The following PLEKHG2 variants were observed in gnomAD, a reference collection of about 807,000 sequenced individuals.
PLEKHG2 encodes pleckstrin homology and RhoGEF domain containing G2.
PLEKHG2 carries 71 observed loss-of-function variants against 104.4 expected under a neutral mutation model. The ratio of observed to expected loss-of-function variants is 0.68; its 90% CI spans 0.56 to 0.83. PLEKHG2 has a LOEUF of 0.83. PLEKHG2 is among the 40% of genes least tolerant of loss of function. PLEKHG2 has a pLI of 0.00. For missense variants in PLEKHG2, 1,730 were observed against 1,809.4 expected, an observed-to-expected ratio of 0.96 and a Z score of 0.80; for synonymous variants, 728 against 737.0, an observed-to-expected ratio of 0.99 and a Z score of 0.20.
At chr19:39,414,588 C>A (rs535722622) in intron 2 of PLEKHG2, among the ~76,000 whole-genome samples, 1 of 152,290 alleles carries the variant, frequency 6.6e-6, no homozygotes, top group East Asian at 1.9e-4. Context: ...TCACTGGCAT[C>A]CAGAGTGTAA....
rs767068141 is a variant in PLEKHG2, at chr19:39,425,071, C to T, written c.3938C>T (p.Thr1313Met). The T allele has an allele frequency of 1.1e-5, 17 of 1,595,742 alleles. No homozygotes were observed. Among genetic ancestry groups the T allele is most frequent in the Non-Finnish European group, 1.2e-5 (14 of 1,171,400 alleles). Residue 1313 changes from threonine (T) to methionine (M), a missense_variant, in exon 19 of 19, where the codon ACG becomes ATG. Coordinates refer to ENST00000425673, the MANE Select transcript of PLEKHG2 (RefSeq NM_022835.3). ...CGGGGCTCCTGGTCCTCTGCTCCCA[C>T]GTCACGGGCATCTTCGCCGCCCCCC... ...ASRGSWSSAP[T>M]SRASSPPPQP... is the part of the protein sequence containing the mutation.
In PLEKHG2 at chr19:39,416,220, C is replaced by T. The variant is rs2078600281; in HGVS notation, c.480-128C>T. ...GACCCTTCCTCCGGACATGACATCC[C>T]CTTAGGAGATGCTGGCAGTCAGCAA... On this transcript the variant is annotated intron_variant, in intron 4 of 18. Transcript: ENST00000425673. This position sits in a 1 kb window ranked among gnomAD's most constrained non-coding sequence, Gnocchi z 4.5. 5 of 888,666 alleles carry T rather than the reference C, an allele frequency of 5.6e-6. No individual in the cohort carries two copies. Among genetic ancestry groups the T allele is most frequent in the South Asian group, 1.5e-5 (1 of 67,964 alleles). The allele number at this position is 888,666 out of a possible 1,614,324, so 55.0% of individuals were successfully genotyped here. A position where few individuals can be genotyped will look rare whatever the true frequency, so the allele number is the denominator to read the frequency against.
At position 39,416,220 on chromosome 19, in the gene PLEKHG2, C is replaced by G; in HGVS notation, c.480-128C>G. 1.1e-6 allele frequency: 1 copy of G among 888,666 alleles called. No homozygotes were observed. The highest frequency in any genetic ancestry group is 1.8e-6 in the Non-Finnish European group (1 of 544,366). 55.0% of individuals were successfully genotyped at this position (888,666 alleles called of 1,614,324 possible). A position where few individuals can be genotyped will look rare whatever the true frequency, so the allele number is the denominator to read the frequency against. ...GACCCTTCCTCCGGACATGACATCC[C>G]CTTAGGAGATGCTGGCAGTCAGCAA... is the stretch of plus-strand genomic sequence containing the variant. On this transcript the variant is annotated intron_variant, in intron 4 of 18. Transcript: ENST00000425673. The surrounding 1 kb of genome is among the most constrained non-coding windows in gnomAD (Gnocchi z 4.5).
Position 39,416,464 on chromosome 19 carries a change from G to T in PLEKHG2, c.546+50G>T, listed in dbSNP as rs747689518. ...CGGTCCTGGATGGGGCCTTTGTAGA[G>T]GGGGGAGAGCAGGCTTGGGCTAGGC... On this transcript the variant is annotated intron_variant, in intron 5 of 18. Coordinates refer to ENST00000425673, the MANE Select transcript of PLEKHG2 (RefSeq NM_022835.3). The surrounding 1 kb of genome is among the most constrained non-coding windows in gnomAD (Gnocchi z 4.5). 6 of 1,611,490 alleles carry T rather than the reference G, an allele frequency of 3.7e-6. No homozygotes were observed. In the East Asian group the frequency reaches 8.9e-5, roughly 24 times the overall value.
At position 39,424,536 on chromosome 19, in the gene PLEKHG2, C is replaced by T. The variant is rs373244116; in HGVS notation, c.3403C>T (p.Leu1135Phe). The change falls in exon 19 of 19, where the codon CTC (leucine) becomes TTC (phenylalanine). Residue 1135 changes from leucine to phenylalanine, a missense_variant. Coordinates refer to ENST00000425673, the MANE Select transcript of PLEKHG2 (RefSeq NM_022835.3). ...CGCCCCACTGTCTTTGTCCCAGGAGCTCCCAGACACTCAGGTTCCAGCTAC... is the reference window on the plus strand; with the variant it reads ...CGCCCCACTGTCTTTGTCCCAGGAGTTCCCAGACACTCAGGTTCCAGCTAC... ...ANAPLSLSQE[L>F]PDTQVPATTP... The T allele has an allele frequency of 2.3e-5, 37 of 1,614,130 alleles. 1 individual carries two copies. The Admixed American group carries it at 5.0e-4, about 22-fold the overall frequency.
intron 7 of PLEKHG2, 81 bp from the exon 8 acceptor site, chr19:39,417,474 C>T: frequency 6.6e-7 from 1 of 1,525,758 alleles, no homozygotes. Context: ...CTTTATATTT[C>T]TCCATCTCCT....
chr19:39,421,128 C>T lies in PLEKHG2; in HGVS notation c.1486+15C>T, dbSNP rs202121212. 55 of 1,437,946 alleles carry T rather than the reference C, an allele frequency of 3.8e-5. No individual in the cohort carries two copies. The highest frequency in any genetic ancestry group is 2.0e-4 in the Middle Eastern group (1 of 5,098). 89.1% of individuals were successfully genotyped at this position (1,437,946 alleles called of 1,614,324 possible). ...CCCACAGAACGGTCAGTGACTGCCC[C>T]GGTTCAGCCTGGTCCATCCCTGTCT... On this transcript the variant is annotated intron_variant, in intron 15 of 18. Transcript: ENST00000425673.
intron 11 of PLEKHG2, among the ~76,000 whole-genome samples, chr19:39,419,312 A>C (rs2078659873): frequency 6.6e-6 from 1 of 152,242 alleles, no homozygotes; most frequent in African/African-American, 2.4e-5. Flanking sequence ...AGAAGCACCC[A>C]TCAGCTGGCT....
At position 39,415,219 on chromosome 19, in the gene PLEKHG2, A is replaced by T; in HGVS notation, c.337A>T (p.Thr113Ser). 3 of 1,583,688 alleles carry T rather than the reference A, an allele frequency of 1.9e-6. No individual in the cohort carries two copies. The highest frequency in any genetic ancestry group is 2.6e-6 in the Non-Finnish European group (3 of 1,164,242). Reference sequence around the variant, plus strand: ...GCGTGTGGCCCGGGAGATCGTGGAGACAGAACGGGCCTATGTCAGGGACCT... The same window carrying T: ...GCGTGTGGCCCGGGAGATCGTGGAGTCAGAACGGGCCTATGTCAGGGACCT... ...LERVAREIVE[T>S]ERAYVRDLRS... The change falls in exon 3 of 19, where the codon ACA becomes TCA. Residue 113 changes from threonine (T) to serine (S), a missense_variant. Transcript: ENST00000425673. This position sits in a 1 kb window ranked among gnomAD's most constrained non-coding sequence, Gnocchi z 4.6.
Position 39,415,442 on chromosome 19 carries a change from CAG to C in PLEKHG2, c.479+4_479+5del, listed in dbSNP as rs772489787. The C allele has an allele frequency of 1.9e-6, 3 of 1,613,840 alleles. No homozygotes were observed. The highest frequency in any genetic ancestry group is 1.7e-5 in the Admixed American group (1 of 59,994). ...GAGGACATCTACGAGTTCAGCAGGT[CAG>C]GGGCAGGGGGGACAGGCAGGGGGCA... On this transcript the variant is annotated splice_donor_5th_base_variant and intron_variant, in intron 4 of 18. Coordinates refer to ENST00000425673, the MANE Select transcript of PLEKHG2 (RefSeq NM_022835.3). This position sits in a 1 kb window ranked among gnomAD's most constrained non-coding sequence, Gnocchi z 4.6.
chr19:39,415,304 C>A lies in PLEKHG2; in HGVS notation c.379-35C>A. ...AGAGGGCAGTGGGTACCCAGGCCAG[C>A]CCCTTGGCCCCCATAACCCCAGTCA... On this transcript the variant is annotated intron_variant, in intron 3 of 18. Transcript: ENST00000425673. The surrounding 1 kb of genome is among the most constrained non-coding windows in gnomAD (Gnocchi z 4.6). 6.2e-7 allele frequency: 1 copy of A among 1,609,312 alleles called. No individual in the cohort carries two copies. Among genetic ancestry groups the A allele is most frequent in the Non-Finnish European group, 8.5e-7 (1 of 1,177,540 alleles).
rs2078710806 is a variant in PLEKHG2 at position 39,422,272 on chromosome 19, G to A, written c.1661G>A (p.Gly554Asp). 6.8e-6 allele frequency: 11 copies of A among 1,612,032 alleles called. No homozygotes were observed. The highest frequency in any genetic ancestry group is 9.3e-6 in the Non-Finnish European group (11 of 1,179,056). Residue 554 changes from glycine to aspartate, a missense_variant, in exon 17 of 19, where the codon GGC becomes GAC. By Grantham distance (94) the Gly-to-Asp change is moderately conservative. Coordinates refer to ENST00000425673, the MANE Select transcript of PLEKHG2 (RefSeq NM_022835.3). ...EEILELLNQR[G>D]LRDPGPSTHD... ...ATCCTGGAACTGCTGAATCAGCGAG[G>A]CCTTCGAGATCCAGGGGTGAGCTGG...
chr19:39,417,842 A>G (rs1253390633), intron 8 of PLEKHG2, 63 bp from the exon 9 acceptor site: 2 of 1,505,138 alleles, frequency 1.3e-6, no homozygotes, highest in Non-Finnish European at 1.8e-6. Flanking sequence ...TTTGGTGTGT[A>G]TGTGTGTGCC....
rs2078695001 is a variant in PLEKHG2 at position 39,421,206 on chromosome 19, CA to C, written c.1487-76del. 5 of 1,612,392 alleles carry C rather than the reference CA, an allele frequency of 3.1e-6. No homozygotes were observed. The African/African-American group carries it at 6.7e-5, about 22-fold the overall frequency. ...TTGGGGAGGGGTGGTTGCTTCAGCT[CA>C]TCAGTTATGGGGGAATCACTCTTTT... On this transcript the variant is annotated intron_variant, in intron 15 of 18. Coordinates refer to ENST00000425673, the MANE Select transcript of PLEKHG2 (RefSeq NM_022835.3).
In PLEKHG2 at chr19:39,416,256, C is replaced by G. The variant is rs1397565482; in HGVS notation, c.480-92C>G. On this transcript the variant is annotated intron_variant, in intron 4 of 18. Transcript: ENST00000425673. The surrounding 1 kb of genome is among the most constrained non-coding windows in gnomAD (Gnocchi z 4.5). ...GCTGGCAGTCAGCAAGCCCCCAGCC[C>G]CAGCAGACCATTGGGGCCTCAGCCT... 7.7e-7 allele frequency: 1 copy of G among 1,303,866 alleles called. No individual in the cohort carries two copies. Among genetic ancestry groups the G allele is most frequent in the Non-Finnish European group, 1.1e-6 (1 of 910,010 alleles). The allele number at this position is 1,303,866 out of a possible 1,614,324, so 80.8% of individuals were successfully genotyped here. A position where few individuals can be genotyped will look rare whatever the true frequency, so the allele number is the denominator to read the frequency against.
At chr19:39,417,036 G>T in intron 7 of PLEKHG2, 36 bp downstream of exon 7, 1 of 1,569,952 alleles carries the variant, frequency 6.4e-7, no homozygotes, top group Non-Finnish European at 8.7e-7. Flanking sequence ...CTGGGGAGGG[G>T]GAGGTCCTGT....
chr19:39,421,240 C>T lies in PLEKHG2; in HGVS notation c.1487-43C>T, dbSNP rs773086222. ...TGGGGGAATCACTCTTTTTCCCTTA[C>T]ATCTCACTAATGCTTCTCTCTCTCT... On this transcript the variant is annotated intron_variant, in intron 15 of 18. Transcript: ENST00000425673. 9 of 1,613,502 alleles carry T rather than the reference C, an allele frequency of 5.6e-6. No individual in the cohort carries two copies. In the South Asian group the frequency reaches 6.6e-5, roughly 12 times the overall value.
Position 39,423,540 on chromosome 19 carries a change from A to C in PLEKHG2, c.2486A>C (p.Gln829Pro). ...GCCCGGCTTTACAGCGAGCGGATCCAGCAGATGCAGCGGGCGGAGACTCGG... is the reference window on the plus strand; with the variant it reads ...GCCCGGCTTTACAGCGAGCGGATCCCGCAGATGCAGCGGGCGGAGACTCGG... The part of the protein sequence containing the change: ...ELARLYSERI[Q>P]QMQRAETRAS... The change falls in exon 18 of 19, where the codon CAG becomes CCG. Residue 829 changes from glutamine to proline, a missense_variant. Coordinates refer to ENST00000425673, the MANE Select transcript of PLEKHG2 (RefSeq NM_022835.3). The C allele has an allele frequency of 6.4e-7, 1 of 1,552,672 alleles. No individual in the cohort carries two copies.
rs2146032315 is a variant in PLEKHG2 at position 39,427,509 on chromosome 19, G to C, written c.*2215G>C. On this transcript the variant is annotated 3_prime_UTR_variant, in exon 19 of 19. Coordinates refer to ENST00000425673, the MANE Select transcript of PLEKHG2 (RefSeq NM_022835.3). ...CAGCTAATTTTTGTATTTTGTAGTA[G>C]AGACGGGATTTCGCCATATTGGCCA... The C allele has an allele frequency of 6.6e-6, 1 of 151,524 alleles. No individual in the cohort carries two copies. Among genetic ancestry groups the C allele is most frequent in the African/African-American group, 2.4e-5 (1 of 41,214 alleles). The allele number at this position is 151,524 out of a possible 1,614,324, so 9.4% of individuals were successfully genotyped here.
Sources: allele counts gnomAD v4.1 joint callset (sites outside exome capture counted in the v4.1 genomes callset), GRCh38; gene constraint gnomAD v4.1.1; non-coding constraint Gnocchi (gnomAD v3.1); transcripts MANE v1.5; gene names NCBI Gene and HGNC (gene_info 2026-07-23, HGNC 2026-07-21).